Variants in TPH2 observed in about 807,000 individuals in gnomAD.
TPH2 encodes tryptophan 5-hydroxylase 2.
TPH2 carries 27 observed loss-of-function variants against 59.1 expected under a neutral mutation model. The ratio of observed to expected loss-of-function variants is 0.46; its 90% CI spans 0.34 to 0.63. The LOEUF (loss-of-function observed/expected upper bound fraction) is 0.63, where lower values mean the gene tolerates loss of function less well. Among genes scored for constraint, TPH2 ranks in the 30% least tolerant of loss-of-function variants. TPH2 has a pLI of 0.01. For synonymous variants in TPH2, 220 were observed against 210.5 expected (o/e 1.05, Z -0.39); for missense variants, 523 against 588.3 (o/e 0.89, Z 1.15).
intron 4 of TPH2, 98 bp downstream of exon 4, chr12:71,944,784 A>T: frequency 9.0e-7 from 1 of 1,111,060 alleles, no homozygotes; most frequent in Non-Finnish European, 1.4e-6. Flanking sequence ...TTTATTATAG[A>T]ACAATTTATT....
intron 5 of TPH2, among the ~76,000 whole-genome samples, chr12:71,958,273 G>C (rs1871569224): frequency 6.6e-6 from 1 of 152,152 alleles, no homozygotes; most frequent in Non-Finnish European, 1.5e-5. Flanking sequence ...GTCACTTTTA[G>C]AGGTTCCAAG....
intron 8 of TPH2, among the ~76,000 whole-genome samples, chr12:72,006,791 A>T (rs1225188507): frequency 6.6e-6 from 1 of 152,154 alleles, no homozygotes; most frequent in African/African-American, 2.4e-5. Context: ...AAGTTACTTA[A>T]CCTCTCTGTG....
At chr12:71,951,092 C>A (rs1028016027) in intron 5 of TPH2, among the ~76,000 whole-genome samples, 5 of 152,186 alleles carry the variant, frequency 3.3e-5, no homozygotes, top group African/African-American at 1.2e-4. Flanking sequence ...ACTTTCCACA[C>A]CTTGCAATGT....
At chr12:71,956,426 C>G (rs1370179732) in intron 5 of TPH2, among the ~76,000 whole-genome samples, 2 of 143,578 alleles carry the variant, frequency 1.4e-5, no homozygotes, top group African/African-American at 5.1e-5. Context: ...CTCTCTCCCT[C>G]CCTCCCTCCC....
chr12:71,939,386 A>T (rs1448629705), intron 1 of TPH2, among the ~76,000 whole-genome samples: 1 of 104,522 alleles, frequency 9.6e-6, no homozygotes, highest in Non-Finnish European at 1.9e-5. Flanking sequence ...AATGTCTTAA[A>T]TCTACAGCCA....
chr12:72,031,671 A>C lies in TPH2; in HGVS notation c.1449A>C (p.Lys483Asn). 6.2e-7 allele frequency: 1 copy of C among 1,613,546 alleles called. No individual in the cohort carries two copies. The highest frequency in any genetic ancestry group is 1.1e-5 in the South Asian group (1 of 91,072). ...DLNTVCDALN[K>N]MNQYLGI ...ATACAGTGTGTGATGCTTTAAACAA[A>C]ATGAACCAATATCTGGGGATTTGAT... The change falls in exon 11 of 11, where the codon AAA (lysine) becomes AAC (asparagine). Residue 483 changes from lysine (K) to asparagine (N), a missense_variant. Transcript: ENST00000333850.
At chr12:72,004,196 G>C (rs952946497) in intron 8 of TPH2, among the ~76,000 whole-genome samples, 2 of 150,570 alleles carry the variant, frequency 1.3e-5, no homozygotes, top group Non-Finnish European at 2.9e-5. Context: ...CTGGGTTTGA[G>C]TGTTAGATTT....
chr12:71,968,468 C>T (rs955968946), intron 5 of TPH2, among the ~76,000 whole-genome samples: 2 of 152,192 alleles, frequency 1.3e-5, no homozygotes, highest in African/African-American at 2.4e-5. Flanking sequence ...TTTCAGAGGA[C>T]GTATGTCCAG....
At chr12:72,024,727 T>A (rs1344536179) in intron 9 of TPH2, among the ~76,000 whole-genome samples, 1 of 152,240 alleles carries the variant, frequency 6.6e-6, no homozygotes, top group South Asian at 2.1e-4. Flanking sequence ...TAATGAGGCA[T>A]GTGTGGGCAG....
At chr12:71,978,317 C>T (rs1482304482) in intron 6 of TPH2, among the ~76,000 whole-genome samples, 3 of 151,998 alleles carry the variant, frequency 2.0e-5, no homozygotes, top group African/African-American at 7.3e-5. Context: ...TGACTCACAA[C>T]CTAATTGAAT....
Position 71,979,582 on chromosome 12 carries a change from G to A in TPH2, c.941+495G>A, listed in dbSNP as rs544291888. Among the ~76,000 whole-genome samples the A allele has an allele frequency of 4.6e-5, 7 of 152,152 alleles. No homozygotes were observed. In the East Asian group the frequency reaches 5.8e-4, roughly 13 times the overall value. On this transcript the variant is annotated intron_variant, in intron 7 of 10. Transcript: ENST00000333850. ...CTTGAACACTTCTCTAGTCCTGCCCGCCACCTCCAGATATAGATGAGGTTT... is the reference window on the plus strand; with the variant it reads ...CTTGAACACTTCTCTAGTCCTGCCCACCACCTCCAGATATAGATGAGGTTT...
intron 9 of TPH2, 63 bp from the exon 10 acceptor site, chr12:72,031,195 G>A: frequency 6.2e-7 from 1 of 1,605,840 alleles, no homozygotes; most frequent in South Asian, 1.1e-5. Flanking sequence ...GTAAAAATGT[G>A]ATGTCATGGA....
intron 5 of TPH2, among the ~76,000 whole-genome samples, chr12:71,961,385 T>A (rs1871677292): frequency 6.6e-6 from 1 of 152,226 alleles, no homozygotes; most frequent in Admixed American, 6.5e-5. Context: ...TGAATGCTGT[T>A]ATTAATTTGC....
intron 8 of TPH2, among the ~76,000 whole-genome samples, chr12:72,015,579 A>G (rs1204406021): frequency 2.0e-5 from 3 of 152,092 alleles, no homozygotes; most frequent in African/African-American, 7.2e-5. Flanking sequence ...TCGGTCTCCC[A>G]AAGTGCTGGG....
At position 72,027,023 on chromosome 12, in the gene TPH2, C is replaced by A. The variant is rs1315793219; in HGVS notation, c.1165-4235C>A. Among the ~76,000 whole-genome samples, 4 of 151,100 alleles carry A rather than the reference C, an allele frequency of 2.6e-5. No individual in the cohort carries two copies. In the South Asian group the frequency reaches 8.4e-4, roughly 32 times the overall value. On this transcript the variant is annotated intron_variant, in intron 9 of 10. Coordinates refer to ENST00000333850, the MANE Select transcript of TPH2 (RefSeq NM_173353.4). Reference sequence around the variant, plus strand: ...CAAATTCTTATTCAGAATCTAGGGCCCAAACTATTCACAAACCTGACTTCA... The same window carrying A: ...CAAATTCTTATTCAGAATCTAGGGCACAAACTATTCACAAACCTGACTTCA...
At chr12:71,960,536 C>A (rs1871649610) in intron 5 of TPH2, among the ~76,000 whole-genome samples, 1 of 152,124 alleles carries the variant, frequency 6.6e-6, no homozygotes, top group Non-Finnish European at 1.5e-5. Context: ...AGGAAGGGAG[C>A]CTGAGAGTTG....
At chr12:71,968,422 C>T (rs1428328286) in intron 5 of TPH2, among the ~76,000 whole-genome samples, 1 of 152,202 alleles carries the variant, frequency 6.6e-6, no homozygotes, top group Admixed American at 6.5e-5. Flanking sequence ...CTAGACTTTG[C>T]TGGGCATTAG....
chr12:71,981,308 C>A (rs556663137), intron 7 of TPH2, among the ~76,000 whole-genome samples: 1 of 152,186 alleles, frequency 6.6e-6, no homozygotes, highest in Admixed American at 6.5e-5. Context: ...TTATAAATGA[C>A]CATTTGTCAA....
intron 7 of TPH2, among the ~76,000 whole-genome samples, chr12:71,980,088 G>A (rs1592396372): frequency 6.6e-6 from 1 of 152,130 alleles, no homozygotes; most frequent in Non-Finnish European, 1.5e-5. Flanking sequence ...TTTGGATTGG[G>A]TCAGGACAGC....
Sources: allele counts gnomAD v4.1 joint callset (sites outside exome capture counted in the v4.1 genomes callset), GRCh38; gene constraint gnomAD v4.1.1; transcripts MANE v1.5; gene names NCBI Gene and HGNC (gene_info 2026-07-23, HGNC 2026-07-21).